Variants in HSD17B12 observed in about 807,000 individuals in gnomAD.
The protein encoded by HSD17B12 is very-long-chain 3-oxoacyl-CoA reductase.
In HSD17B12, 32 loss-of-function variants were observed where a neutral mutation model predicts 39.3. The observed-to-expected ratio is 0.81, with a 90% CI of 0.61 to 1.09. HSD17B12 has a LOEUF of 1.09. Among genes scored for constraint, HSD17B12 ranks in the 50% least tolerant of loss-of-function variants. The probability of loss-of-function intolerance (pLI) is 0.00; values close to 1 mark genes in which losing one functional copy is unlikely to be tolerated. For synonymous variants in HSD17B12, 150 were observed against 146.7 expected (o/e 1.02, Z -0.16); for missense variants, 342 against 382.9 (o/e 0.89, Z 0.89).
chr11:43,574,970 G>C, the HSD17B12 span, among the ~76,000 whole-genome samples: 1 of 152,198 alleles, frequency 6.6e-6, no homozygotes, highest in Non-Finnish European at 1.5e-5. Context: ...GGAGAGCAGA[G>C]GGGAAAGCCG....
the HSD17B12 span, chr11:43,559,628 AG>A: frequency 6.4e-6 from 1 of 156,012 alleles, no homozygotes; most frequent in Non-Finnish European, 1.5e-5. Context: ...TCAAGTCCGA[AG>A]ATGCCAGCTG....
At chr11:43,716,714 T>G (rs1419475257) in intron 1 of HSD17B12, among the ~76,000 whole-genome samples, 4 of 146,946 alleles carry the variant, frequency 2.7e-5, no homozygotes, top group Non-Finnish European at 6.0e-5. Context: ...TGAGATTATA[T>G]ATTGTATTAT....
the HSD17B12 span, among the ~76,000 whole-genome samples, chr11:43,625,298 T>C: frequency 1.3e-5 from 2 of 151,638 alleles, no homozygotes; most frequent in African/African-American, 4.8e-5. Flanking sequence ...TTTTCAACTC[T>C]TAACATAAGG....
the HSD17B12 span, among the ~76,000 whole-genome samples, chr11:43,579,850 G>A: frequency 1.3e-5 from 2 of 151,984 alleles, no homozygotes; most frequent in African/African-American, 4.8e-5. Context: ...TTCTCCGGGC[G>A]TGCTGGGCGA....
At chr11:43,815,335 A>G (rs1951111872) in intron 4 of HSD17B12, 102 bp from the exon 5 acceptor site, 2 of 537,482 alleles carry the variant, frequency 3.7e-6, no homozygotes, top group South Asian at 8.4e-5. Flanking sequence ...ATTTTATATA[A>G]TTATATATAT....
At chr11:43,736,588 G>A (rs1950318713) in intron 1 of HSD17B12, among the ~76,000 whole-genome samples, 1 of 152,110 alleles carries the variant, frequency 6.6e-6, no homozygotes, top group African/African-American at 2.4e-5. Flanking sequence ...ATGGGATTGT[G>A]GAAAATGCCC....
At chr11:43,665,191 G>A in the HSD17B12 span, among the ~76,000 whole-genome samples, 1 of 152,178 alleles carries the variant, frequency 6.6e-6, no homozygotes, top group African/African-American at 2.4e-5. Flanking sequence ...AATTACTCAT[G>A]TCTTGACAAA....
chr11:43,605,004 T>G, the HSD17B12 span, among the ~76,000 whole-genome samples: 1 of 152,200 alleles, frequency 6.6e-6, no homozygotes, highest in Non-Finnish European at 1.5e-5. Context: ...TGAGGATTTG[T>G]TGTTGGGAGC....
chr11:43,775,184 C>A lies in HSD17B12; in HGVS notation c.283+21063C>A, dbSNP rs11037623. On this transcript the variant is annotated intron_variant, in intron 3 of 10. Coordinates refer to ENST00000278353, the MANE Select transcript of HSD17B12 (RefSeq NM_016142.3). ...CTGCAAGAAACTGAGTTGTGAACAA[C>A]CAGTGAACTTGAAAGTGGCGCCTGA... Among the ~76,000 whole-genome samples the A allele has an allele frequency of 3.9e-3, 595 of 152,262 alleles. 6 individuals carry two copies. In the East Asian group the frequency reaches 0.044, roughly 11 times the overall value.
chr11:43,680,911 C>T lies in HSD17B12; in HGVS notation c.84C>T (p.Tyr28=), dbSNP rs2134733140. The T allele has an allele frequency of 6.2e-7, 1 of 1,613,906 alleles. No individual in the cohort carries two copies. The highest frequency in any genetic ancestry group is 2.2e-5 in the East Asian group (1 of 44,818). ...TVAYLALRIS[Y]SLFTALRVWG... Reference sequence around the variant, plus strand: ...CCTACCTAGCCCTGCGTATTTCGTACTCGCTCTTCACGGCCCTCCGGGTCT... The same window carrying T: ...CCTACCTAGCCCTGCGTATTTCGTATTCGCTCTTCACGGCCCTCCGGGTCT... The change falls in exon 1 of 11, where the codon TAC becomes TAT. Residue 28 remains tyrosine (Y), a synonymous_variant. Transcript: ENST00000278353.
At chr11:43,826,536 T>A (rs1169136054) in intron 6 of HSD17B12, among the ~76,000 whole-genome samples, 1 of 152,182 alleles carries the variant, frequency 6.6e-6, no homozygotes, top group Non-Finnish European at 1.5e-5. Context: ...AAAGGAAAAA[T>A]TTTATTTTGA....
At chr11:43,590,505 G>GTTTTTTTTTTTTTTTTTTTTTTTTT in the HSD17B12 span, among the ~76,000 whole-genome samples, 1 of 47,866 alleles carries the variant, frequency 2.1e-5, no homozygotes, top group Non-Finnish European at 4.5e-5. Context: ...TGGAGTGAGT[G>GTTTTTTTTTTTTTTTTTTTTTTTTT]ATTTTTTTTT....
chr11:43,707,763 G>C (rs955086792), intron 1 of HSD17B12, among the ~76,000 whole-genome samples: 1 of 152,156 alleles, frequency 6.6e-6, no homozygotes, highest in African/African-American at 2.4e-5. Flanking sequence ...AATCTCACCT[G>C]TTATTTTTCC....
At chr11:43,576,655 G>C in the HSD17B12 span, 1 of 152,224 alleles carries the variant, frequency 6.6e-6, no homozygotes, top group Non-Finnish European at 1.5e-5. Context: ...CTGTGAGTAT[G>C]AGCTGACGCT....
chr11:43,798,776 C>T (rs897687813), intron 4 of HSD17B12, among the ~76,000 whole-genome samples: 1 of 152,098 alleles, frequency 6.6e-6, no homozygotes, highest in African/African-American at 2.4e-5. Flanking sequence ...ATAGCTTATG[C>T]GCATCCTTCT....
intron 3 of HSD17B12, among the ~76,000 whole-genome samples, chr11:43,757,768 A>T (rs537305709): frequency 1.3e-4 from 20 of 152,138 alleles, no homozygotes; most frequent in Admixed American, 5.2e-4. Flanking sequence ...GCCACAAAGG[A>T]AACAAAGGGC....
the HSD17B12 span, among the ~76,000 whole-genome samples, chr11:43,574,826 T>G: frequency 1.3e-5 from 2 of 152,248 alleles, no homozygotes; most frequent in African/African-American, 4.8e-5. Context: ...TAAAAAGTCC[T>G]GATAATGTCG....
At chr11:43,782,051 T>A (rs1950771078) in intron 3 of HSD17B12, among the ~76,000 whole-genome samples, 1 of 152,210 alleles carries the variant, frequency 6.6e-6, no homozygotes, top group South Asian at 2.1e-4. Flanking sequence ...TGATACACTT[T>A]CTGGGAATGC....
rs1565049652 is a variant in HSD17B12 at position 43,690,384 on chromosome 11, A to AT, written c.160+9398dup. Among the ~76,000 whole-genome samples, 2 of 11,142 alleles carry AT rather than the reference A, an allele frequency of 1.8e-4. 1 individual carries two copies. Among genetic ancestry groups the AT allele is most frequent in the Non-Finnish European group, 4.1e-4 (2 of 4,856 alleles). 7.3% of individuals were successfully genotyped at this position (11,142 alleles called of 152,430 possible). A position where few individuals can be genotyped will look rare whatever the true frequency, so the allele number is the denominator to read the frequency against. On this transcript the variant is annotated intron_variant, in intron 1 of 10. Transcript: ENST00000278353. ...TACATATATATATATATATATATAT[A>AT]TATATATATATATATATATATTTTT...
Sources: allele counts gnomAD v4.1 joint callset (sites outside exome capture counted in the v4.1 genomes callset), GRCh38; gene constraint gnomAD v4.1.1; transcripts MANE v1.5; gene names NCBI Gene and HGNC (gene_info 2026-07-23, HGNC 2026-07-21).